The following TMEM14A variants were observed in gnomAD, a reference collection of about 807,000 sequenced individuals.
TMEM14A encodes the protein transmembrane protein 14A.
Under a neutral mutation model 11.6 loss-of-function variants are expected in TMEM14A, and 8 were observed. That is an observed-to-expected ratio of 0.69 (90% CI 0.40 to 1.24). The LOEUF (loss-of-function observed/expected upper bound fraction) is 1.24, where lower values mean the gene tolerates loss of function less well. Among genes scored for constraint, TMEM14A ranks in the 50% most tolerant of loss-of-function variants. The pLI is 0.01. For missense variants in TMEM14A, 108 were observed against 121.9 expected (o/e 0.89, Z 0.54); for synonymous variants, 34 against 45.5 (o/e 0.75, Z 1.02).
Position 52,684,159 on chromosome 6 carries a change from G to T in TMEM14A, c.254G>T (p.Gly85Val), listed in dbSNP as rs1769449112. Reference protein sequence around the residue: ...KKIMPAGLVAGLSLMMILRLV... With the variant: ...KKIMPAGLVAVLSLMMILRLV... ...ATAATGCCTGCTGGTTTGGTTGCAG[G>T]TTTAAGGTAAGTAAAACTATTTTGA... The change falls in exon 4 of 5, where the codon GGT (glycine) becomes GTT (valine). Residue 85 changes from glycine (G) to valine (V), a missense_variant. Physicochemically the swap from Gly to Val is moderately radical, Grantham distance 109 (BLOSUM62 -3). Transcript: ENST00000211314. 1.2e-6 allele frequency: 2 copies of T among 1,613,396 alleles called. No homozygotes were observed. The highest frequency in any genetic ancestry group is 1.3e-5 in the African/African-American group (1 of 74,908).
chr6:52,685,591 G>GAA lies in TMEM14A; in HGVS notation c.261-410_261-409dup, dbSNP rs56713067. The stretch of plus-strand genomic sequence containing the variant: ...CAGAGTGAGACTCCATCAGAAAAAA[G>GAA]AAAAAAAAAAGGAAGAAAAAATGAA... On this transcript the variant is annotated intron_variant, in intron 4 of 4. Transcript: ENST00000211314. 1.8e-4 allele frequency among the ~76,000 whole-genome samples: 26 copies of GAA among 146,368 alleles called. No individual in the cohort carries two copies. The South Asian group carries it at 1.9e-3, about 11-fold the overall frequency.
chr6:52,686,289 C>T lies in TMEM14A; in HGVS notation c.*240C>T, dbSNP rs1042820664. On this transcript the variant is annotated 3_prime_UTR_variant, in exon 5 of 5. Transcript: ENST00000211314. ...TCTAATGAATCATGATATACTCTTCCATTTGTTGTGTCTATTTTTTATATA... is the reference window on the plus strand; with the variant it reads ...TCTAATGAATCATGATATACTCTTCTATTTGTTGTGTCTATTTTTTATATA... The T allele has an allele frequency of 2.5e-6, 1 of 406,658 alleles. No homozygotes were observed. Among genetic ancestry groups the T allele is most frequent in the South Asian group, 1.0e-4 (1 of 10,004 alleles). The allele number at this position is 406,658 out of a possible 1,614,324, so 25.2% of individuals were successfully genotyped here. A position where few individuals can be genotyped will look rare whatever the true frequency, so the allele number is the denominator to read the frequency against.
At chr6:52,684,204 T>A in intron 4 of TMEM14A, 39 bp downstream of exon 4, 2 of 1,578,314 alleles carry the variant, frequency 1.3e-6, no homozygotes, top group South Asian at 2.3e-5. Flanking sequence ...TCCTCTGCTG[T>A]TGTTTTGAAG....
At chr6:52,685,744 T>G (rs1225114382) in intron 4 of TMEM14A, among the ~76,000 whole-genome samples, 1 of 152,234 alleles carries the variant, frequency 6.6e-6, no homozygotes, top group Non-Finnish European at 1.5e-5. Flanking sequence ...TCTGAAAGTT[T>G]GTTTCTTCCC....
At chr6:52,675,345 T>C (rs943323159) in intron 1 of TMEM14A, among the ~76,000 whole-genome samples, 1 of 152,210 alleles carries the variant, frequency 6.6e-6, no homozygotes, top group African/African-American at 2.4e-5. Context: ...GGAAGAAATA[T>C]AGACGTGAGA....
At chr6:52,677,823 G>A (rs541465098) in intron 2 of TMEM14A, among the ~76,000 whole-genome samples, 1 of 152,070 alleles carries the variant, frequency 6.6e-6, no homozygotes, top group Non-Finnish European at 1.5e-5. Context: ...ATTTCAAAGG[G>A]TATTGTATTT....
chr6:52,674,889 C>CTTT (rs35094326), intron 1 of TMEM14A, among the ~76,000 whole-genome samples: 72 of 139,466 alleles, frequency 5.2e-4, no homozygotes, highest in South Asian at 1.4e-3. Flanking sequence ...AATTCTTCTT[C>CTTT]TTTTTTTTTT....
intron 2 of TMEM14A, among the ~76,000 whole-genome samples, chr6:52,680,804 A>G (rs1165596629): frequency 4.7e-5 from 7 of 147,396 alleles, no homozygotes; most frequent in African/African-American, 7.5e-5. Context: ...CAGCAAGTGA[A>G]AGAATTAGGA....
In TMEM14A at chr6:52,676,816, G is replaced by T. The variant is rs201725259; in HGVS notation, c.-16-271G>T. On this transcript the variant is annotated intron_variant, in intron 1 of 4. Transcript: ENST00000211314. ...GACAGGAGGGGGAGAGCACGTGAAG[G>T]GGGAAGTGCTACACGCTTTCAAACA... Among the ~76,000 whole-genome samples, 3 of 152,094 alleles carry T rather than the reference G, an allele frequency of 2.0e-5. No individual in the cohort carries two copies. The East Asian group carries it at 5.8e-4, about 29-fold the overall frequency.
rs533487753 is a variant in TMEM14A, at chr6:52,671,478, C to G, written c.-17+233C>G. Among the ~76,000 whole-genome samples the G allele has an allele frequency of 1.1e-3, 164 of 152,202 alleles. 1 individual carries two copies. The highest frequency in any genetic ancestry group is 2.0e-3 in the Non-Finnish European group (137 of 67,992). ...CTTCTGGTATCCCTAAATATCCCAC[C>G]TATCCTGCCTCCTACCTTCCTGGAT... On this transcript the variant is annotated intron_variant, in intron 1 of 4. Coordinates refer to ENST00000211314, the MANE Select transcript of TMEM14A (RefSeq NM_014051.4).
chr6:52,677,062 A>C (rs1447118080), intron 1 of TMEM14A, 25 bp from the exon 2 acceptor site: 4 of 1,609,364 alleles, frequency 2.5e-6, no homozygotes, highest in Non-Finnish European at 3.4e-6. Flanking sequence ...ATTTTGTATA[A>C]TTTGTCCTTT....
chr6:52,679,083 A>G (rs965514212), intron 2 of TMEM14A, among the ~76,000 whole-genome samples: 5 of 152,200 alleles, frequency 3.3e-5, no homozygotes, highest in African/African-American at 1.2e-4. Flanking sequence ...GGGAGGACAC[A>G]GATGTATCCA....
At chr6:52,685,110 G>A (rs1769469229) in intron 4 of TMEM14A, among the ~76,000 whole-genome samples, 1 of 152,188 alleles carries the variant, frequency 6.6e-6, no homozygotes, top group Non-Finnish European at 1.5e-5. Flanking sequence ...ATTTCAAGCT[G>A]TTAGTGTTTT....
rs899032393 is a variant in TMEM14A at position 52,686,497 on chromosome 6, T to A, written c.*448T>A. On this transcript the variant is annotated 3_prime_UTR_variant, in exon 5 of 5. Transcript: ENST00000211314. ...ATTTTAATTGTATTGCTGCCAGTGC[T>A]ATTTTTTTCTTTAAAAAATTTTATT... 2.6e-6 allele frequency: 1 copy of A among 383,132 alleles called. No individual in the cohort carries two copies. The highest frequency in any genetic ancestry group is 4.6e-6 in the Non-Finnish European group (1 of 215,176). 23.7% of individuals were successfully genotyped at this position (383,132 alleles called of 1,614,324 possible). A position where few individuals can be genotyped will look rare whatever the true frequency, so the allele number is the denominator to read the frequency against.
intron 1 of TMEM14A, among the ~76,000 whole-genome samples, chr6:52,672,467 T>TAAGC (rs1427168801): frequency 0.013 from 1,967 of 152,160 alleles, 45 homozygotes; most frequent in African/African-American, 0.044. Flanking sequence ...GTAAGGGTGT[T>TAAGC]TTCCGGACTG....
At chr6:52,671,437 C>T (rs978377534) in intron 1 of TMEM14A, among the ~76,000 whole-genome samples, 192 bp downstream of exon 1, 1 of 152,136 alleles carries the variant, frequency 6.6e-6, no homozygotes, top group African/African-American at 2.4e-5. Context: ...TTTTTCTCCT[C>T]CTCCCGAGTT....
chr6:52,681,543 A>G (rs1769391783), intron 2 of TMEM14A, among the ~76,000 whole-genome samples: 1 of 152,230 alleles, frequency 6.6e-6, no homozygotes, highest in Admixed American at 6.5e-5. Flanking sequence ...CACCAGAACA[A>G]GGCAGGTTTT....
intron 3 of TMEM14A, among the ~76,000 whole-genome samples, chr6:52,683,186 A>G (rs1769423194): frequency 6.6e-6 from 1 of 152,156 alleles, no homozygotes; most frequent in African/African-American, 2.4e-5. Context: ...TTAGCTAGGC[A>G]TGGTGGCTCA....
At chr6:52,680,689 A>ATT (rs1769366976) in intron 2 of TMEM14A, among the ~76,000 whole-genome samples, 1 of 56,968 alleles carries the variant, frequency 1.8e-5, no homozygotes, top group Non-Finnish European at 3.8e-5. Flanking sequence ...ATATACATAT[A>ATT]TGTATATATA....
Sources: gnomAD v4.1 joint callset for allele counts (sites outside exome capture counted in the v4.1 genomes callset) on GRCh38, gnomAD v4.1.1 for gene constraint, MANE v1.5 for transcripts, NCBI Gene and HGNC (gene_info 2026-07-23, HGNC 2026-07-21) for gene names.